PTP4A2: variants seen among roughly 807,000 people sequenced by gnomAD.
PTP4A2 encodes protein tyrosine phosphatase type IVA 2.
A neutral mutation model predicts 22.9 loss-of-function variants in PTP4A2; 2 were observed. That is an observed-to-expected ratio of 0.09 (90% CI 0.04 to 0.27). PTP4A2 has a LOEUF of 0.27. Among genes scored for constraint, PTP4A2 ranks in the 10% least tolerant of loss-of-function variants. The pLI is 1.00. For missense variants in PTP4A2, 103 were observed against 205.1 expected, an observed-to-expected ratio of 0.50 and a Z score of 3.04; for synonymous variants, 68 against 69.1, an observed-to-expected ratio of 0.98 and a Z score of 0.08.
chr1:31,910,142 C>T, intron 4 of PTP4A2, 30 bp from the exon 5 acceptor site: 1 of 1,568,688 alleles, frequency 6.4e-7, no homozygotes, highest in Non-Finnish European at 8.8e-7. Flanking sequence ...TGTAAGTATC[C>T]ATAAGTCTTG....
rs200368265 is a variant in PTP4A2, at chr1:31,922,586, G to GTTTCTTTCTTTCTTTC, written c.-593-2944_-593-2929dup. 8.1e-4 allele frequency among the ~76,000 whole-genome samples: 118 copies of GTTTCTTTCTTTCTTTC among 146,112 alleles called. 1 individual carries two copies. The highest frequency in any genetic ancestry group is 3.0e-3 in the East Asian group (15 of 4,922). ...AGCTTAAGAACAAAAACCCAGGTTT[G>GTTTCTTTCTTTCTTTC]TTTCTTTCTTTCTTTCTTTCTTTCT... On this transcript the variant is annotated intron_variant, in intron 1 of 5. Transcript: ENST00000647444.
chr1:31,935,501 G>C (rs1652896526), intron 1 of PTP4A2: 2 of 152,096 alleles, frequency 1.3e-5, no homozygotes, highest in Admixed American at 6.5e-5. Flanking sequence ...ATGACGTATT[G>C]GAAAAATCAA....
chr1:31,915,842 TTA>T lies in PTP4A2; in HGVS notation c.189+51_189+52del, dbSNP rs1313498761. On this transcript the variant is annotated intron_variant, in intron 3 of 5. Coordinates refer to ENST00000647444, the MANE Select transcript of PTP4A2 (RefSeq NM_080391.4). ...GCACCTGGCCTAGTTTTATAAATAT[TTA>T]TGTTTGAAAGATACAACTTGTTTTG... 17 of 1,212,378 alleles carry T rather than the reference TTA, an allele frequency of 1.4e-5. No individual in the cohort carries two copies. In the African/African-American group the frequency reaches 2.3e-4, roughly 16 times the overall value. The allele number at this position is 1,212,378 out of a possible 1,614,324, so 75.1% of individuals were successfully genotyped here.
chr1:31,908,143 TA>T lies in PTP4A2; in HGVS notation c.*708del, dbSNP rs1651304636. 1 of 376 alleles carries T rather than the reference TA, an allele frequency of 2.7e-3. No homozygotes were observed. 0.0% of individuals were successfully genotyped at this position (376 alleles called of 1,614,324 possible). ...ATATATATATATATATATTATATTA[TA>T]TATATATATATATATATATATATAT... On this transcript the variant is annotated 3_prime_UTR_variant, in exon 6 of 6. Coordinates refer to ENST00000647444, the MANE Select transcript of PTP4A2 (RefSeq NM_080391.4).
chr1:31,921,329 A>G (rs1490389500), intron 1 of PTP4A2: 1 of 152,112 alleles, frequency 6.6e-6, no homozygotes, highest in African/African-American at 2.4e-5. Context: ...GTTTTTTCCA[A>G]TGTACCACAA....
At chr1:31,930,945 A>C (rs1180550050) in intron 1 of PTP4A2, 1 of 152,238 alleles carries the variant, frequency 6.6e-6, no homozygotes, top group Non-Finnish European at 1.5e-5. Context: ...GCTCAGCTCA[A>C]CATGGATTCA....
At chr1:31,912,268 A>G (rs1004726393) in intron 3 of PTP4A2, among the ~76,000 whole-genome samples, 1 of 152,260 alleles carries the variant, frequency 6.6e-6, no homozygotes, top group African/African-American at 2.4e-5. Context: ...AGATAATTGA[A>G]GATTATAATT....
intron 1 of PTP4A2, among the ~76,000 whole-genome samples, chr1:31,928,457 T>C (rs1160358764): frequency 6.6e-6 from 1 of 151,616 alleles, no homozygotes; most frequent in East Asian, 1.9e-4. Flanking sequence ...CCCAGCACTT[T>C]GGAAGGCCAA....
At chr1:31,926,977 G>T (rs1652494172) in intron 1 of PTP4A2, among the ~76,000 whole-genome samples, 2 of 152,110 alleles carry the variant, frequency 1.3e-5, no homozygotes, top group Admixed American at 1.3e-4. Context: ...GTTATGAGGT[G>T]GGGACAAGCT....
Position 31,927,273 on chromosome 1 carries a change from G to A in PTP4A2, c.-593-7615C>T, listed in dbSNP as rs908628288. ...AGGAACAGAAAACCAAATACCGCAT[G>A]TTCTCACTTATAAGTGGGAGCTAAA... On this transcript the variant is annotated intron_variant, in intron 1 of 5. Coordinates refer to ENST00000647444, the MANE Select transcript of PTP4A2 (RefSeq NM_080391.4). Among the ~76,000 whole-genome samples, 2 of 152,170 alleles carry A rather than the reference G, an allele frequency of 1.3e-5. 1 individual carries two copies. Among genetic ancestry groups the A allele is most frequent in the Admixed American group, 1.3e-4 (2 of 15,276 alleles).
intron 1 of PTP4A2, among the ~76,000 whole-genome samples, chr1:31,937,371 T>A (rs1446238958): frequency 1.3e-5 from 2 of 151,432 alleles, no homozygotes. Context: ...GACAAGATGC[T>A]CCCGGAAAGA....
At chr1:31,932,010 T>C (rs1026724037) in intron 1 of PTP4A2, among the ~76,000 whole-genome samples, 1 of 152,228 alleles carries the variant, frequency 6.6e-6, no homozygotes, top group African/African-American at 2.4e-5. Context: ...ACCTAGTGAA[T>C]GTTTCCTGTA....
At chr1:31,930,238 TGAGGCAG>T (rs1652666029) in intron 1 of PTP4A2, among the ~76,000 whole-genome samples, 5 of 151,950 alleles carry the variant, frequency 3.3e-5, no homozygotes, top group Admixed American at 3.3e-4. Flanking sequence ...CTAGGGAGGC[TGAGGCAG>T]GAGAATGGCG....
Position 31,916,007 on chromosome 1 carries a change from T to A in PTP4A2, c.97-20A>T. On this transcript the variant is annotated intron_variant, in intron 2 of 5. Coordinates refer to ENST00000647444, the MANE Select transcript of PTP4A2 (RefSeq NM_080391.4). ...AAGTTCCTTTAAAAAAAAAAAAAAT[T>A]ATAATGGAACTTGTTTTTGAAACCT... The A allele has an allele frequency of 1.9e-5, 26 of 1,392,338 alleles. No homozygotes were observed. The highest frequency in any genetic ancestry group is 2.4e-5 in the Non-Finnish European group (24 of 1,007,702). 86.2% of individuals were successfully genotyped at this position (1,392,338 alleles called of 1,614,324 possible).
Position 31,938,199 on chromosome 1 carries a change from GGCCGCCGCTGCGTCTCCTGCT to G in PTP4A2, c.-827_-807del, listed in dbSNP as rs1653035991. 6.6e-6 allele frequency: 1 copy of G among 151,878 alleles called. No homozygotes were observed. Among genetic ancestry groups the G allele is most frequent in the Non-Finnish European group, 1.4e-5 (1 of 69,458 alleles). 9.4% of individuals were successfully genotyped at this position (151,878 alleles called of 1,614,324 possible). A position where few individuals can be genotyped will look rare whatever the true frequency, so the allele number is the denominator to read the frequency against. On this transcript the variant is annotated 5_prime_UTR_variant, in exon 1 of 6. Transcript: ENST00000647444. This position sits in a 1 kb window ranked among gnomAD's most constrained non-coding sequence, Gnocchi z 4.4. ...GAGTCCGTCTTGCTGCTGCTGCTGCGGCCGCCGCTGCGTCTCCTGCTGCCGCCGCTGCCTCCGCTGCCGCCG... is the reference window on the plus strand; with the variant it reads ...GAGTCCGTCTTGCTGCTGCTGCTGCGGCCGCCGCTGCCTCCGCTGCCGCCG...
At chr1:31,924,992 A>G (rs551080248) in intron 1 of PTP4A2, among the ~76,000 whole-genome samples, 12 of 152,338 alleles carry the variant, frequency 7.9e-5, no homozygotes, top group African/African-American at 2.9e-4. Context: ...ATAAGTAAAA[A>G]AAGGCACAGT....
At chr1:31,922,711 C>T (rs1028967309) in intron 1 of PTP4A2, among the ~76,000 whole-genome samples, 3 of 151,854 alleles carry the variant, frequency 2.0e-5, no homozygotes, top group Non-Finnish European at 4.4e-5. Flanking sequence ...TCACCGCAGC[C>T]TCAACCTCCT....
In PTP4A2 at chr1:31,907,679, C is replaced by T. The variant is rs1329402755; in HGVS notation, c.*1173G>A. Reference sequence around the variant, plus strand: ...CACATACCACAAGCATTTCTCAAGTCGAAAATATGTGAATTTGCTGCTGCT... The same window carrying T: ...CACATACCACAAGCATTTCTCAAGTTGAAAATATGTGAATTTGCTGCTGCT... On this transcript the variant is annotated 3_prime_UTR_variant, in exon 6 of 6. Transcript: ENST00000647444. 2 of 151,878 alleles carry T rather than the reference C, an allele frequency of 1.3e-5. No homozygotes were observed. The highest frequency in any genetic ancestry group is 2.9e-5 in the Non-Finnish European group (2 of 67,990). The allele number at this position is 151,878 out of a possible 1,614,324, so 9.4% of individuals were successfully genotyped here.
At chr1:31,924,561 T>C (rs1172956872) in intron 1 of PTP4A2, among the ~76,000 whole-genome samples, 1 of 152,226 alleles carries the variant, frequency 6.6e-6, no homozygotes, top group African/African-American at 2.4e-5. Flanking sequence ...ATAAATTCAG[T>C]GCATGTACAC....
Sources: allele counts gnomAD v4.1 joint callset (sites outside exome capture counted in the v4.1 genomes callset), GRCh38; gene constraint gnomAD v4.1.1; non-coding constraint Gnocchi (gnomAD v3.1); transcripts MANE v1.5; gene names NCBI Gene and HGNC (gene_info 2026-07-23, HGNC 2026-07-21).